The following RIMBP2 variants were observed in gnomAD, a reference collection of about 807,000 sequenced individuals.
RIMBP2 encodes RIMS binding protein 2, also known as RIMS-binding protein 2.
In RIMBP2, 48 loss-of-function variants were observed where a neutral mutation model predicts 118.6. That is an observed-to-expected ratio of 0.40 (90% CI 0.32 to 0.51). The LOEUF (loss-of-function observed/expected upper bound fraction) is 0.51. RIMBP2 is among the 20% of genes least tolerant of loss of function. The probability of loss-of-function intolerance (pLI) is 0.41; values close to 1 mark genes in which losing one functional copy is unlikely to be tolerated. For missense variants in RIMBP2, 1,551 were observed against 1,768.3 expected, an observed-to-expected ratio of 0.88 and a Z score of 2.20; for synonymous variants, 762 against 742.9, an observed-to-expected ratio of 1.03 and a Z score of -0.42.
At chr12:130,490,918 A>C (rs1399811107) in intron 4 of RIMBP2, among the ~76,000 whole-genome samples, 1 of 152,154 alleles carries the variant, frequency 6.6e-6, no homozygotes, top group Non-Finnish European at 1.5e-5. Context: ...TGGGGAGCGA[A>C]GTGGGAAGCG....
intron 2 of RIMBP2, among the ~76,000 whole-genome samples, chr12:130,539,768 A>G (rs10848141): frequency 0.85 from 17,226 of 20,302 alleles, 7,923 homozygotes; most frequent in South Asian, 0.96. Context: ...CAGTCCATGA[A>G]GTGGCCAGGT....
chr12:130,601,289 C>G (rs1343042196), intron 2 of RIMBP2, among the ~76,000 whole-genome samples: 2 of 142,294 alleles, frequency 1.4e-5, no homozygotes, highest in East Asian at 4.3e-4. Context: ...TGCCTAAAAG[C>G]CACGGGCTGC....
intron 1 of RIMBP2, among the ~76,000 whole-genome samples, chr12:130,715,299 C>A (rs896058973): frequency 6.6e-6 from 1 of 152,156 alleles, no homozygotes; most frequent in Non-Finnish European, 1.5e-5. Context: ...GGAGCCAGCA[C>A]CCCCGCCTCC....
rs1288602854 is a variant in RIMBP2, at chr12:130,419,067, A to G, written c.3238+3386T>C. Among the ~76,000 whole-genome samples, 1 of 152,174 alleles carries G rather than the reference A, an allele frequency of 6.6e-6. No homozygotes were observed. Among genetic ancestry groups the G allele is most frequent in the African/African-American group, 2.4e-5 (1 of 41,440 alleles). The stretch of plus-strand genomic sequence containing the variant: ...GTGACTCCACCGTATGTTCTTCCAG[A>G]GAGGATGCACTGGATGTGTTATGAG... On this transcript the variant is annotated intron_variant, in intron 17 of 22. Transcript: ENST00000690449. The surrounding 1 kb of genome is among the most constrained non-coding windows in gnomAD (Gnocchi z 4.3).
At chr12:130,584,030 AC>A (rs148427246) in intron 2 of RIMBP2, among the ~76,000 whole-genome samples, 1,787 of 146,414 alleles carry the variant, frequency 0.012, 17 homozygotes, top group Non-Finnish European at 0.02. Context: ...CATCACCATC[AC>A]CCCCATCACC....
chr12:130,478,384 G>A (rs796586816), intron 5 of RIMBP2, among the ~76,000 whole-genome samples: 2 of 152,264 alleles, frequency 1.3e-5, no homozygotes, highest in East Asian at 1.9e-4. Flanking sequence ...GACATCACAC[G>A]GCGCCTGGTG....
intron 1 of RIMBP2, among the ~76,000 whole-genome samples, chr12:130,679,879 CACGGGAAGGATCCGTGAGTGTGATCAT>C (rs2064687836): frequency 2.6e-5 from 4 of 151,752 alleles, no homozygotes; most frequent in East Asian, 1.9e-4. Flanking sequence ...GTTCGCCCGC[CACGGGAAGGATCCGTGAGTGTGATCAT>C]GCAGGCAGTG....
intron 1 of RIMBP2, among the ~76,000 whole-genome samples, chr12:130,676,995 G>A (rs2064521641): frequency 6.6e-6 from 1 of 152,160 alleles, no homozygotes; most frequent in Admixed American, 6.5e-5. Flanking sequence ...ACCTAGAAAG[G>A]CACCTGTGTA....
rs1949816647 is a variant in RIMBP2, at chr12:130,710,294, G to C, written c.-352+5928C>G. Among the ~76,000 whole-genome samples, 1 of 152,010 alleles carries C rather than the reference G, an allele frequency of 6.6e-6. No homozygotes were observed. Among genetic ancestry groups the C allele is most frequent in the Non-Finnish European group, 1.5e-5 (1 of 68,002 alleles). ...TCAGCTTCAACGCCACCTCCTCCCT[G>C]AGACCCTCCCAGATCATCCAGGTGC... On this transcript the variant is annotated intron_variant, in intron 1 of 22. Coordinates refer to ENST00000690449, the MANE Select transcript of RIMBP2 (RefSeq NM_001393629.1). The surrounding 1 kb of genome is among the most constrained non-coding windows in gnomAD (Gnocchi z 4.3).
intron 2 of RIMBP2, among the ~76,000 whole-genome samples, chr12:130,582,625 G>A (rs911245909): frequency 5.3e-5 from 8 of 152,316 alleles, no homozygotes; most frequent in South Asian, 2.1e-4. Context: ...CACTGCCTTC[G>A]CTTGATCTAG....
chr12:130,585,505 G>A (rs968557161), intron 2 of RIMBP2, among the ~76,000 whole-genome samples: 3 of 151,862 alleles, frequency 2.0e-5, no homozygotes, highest in African/African-American at 7.3e-5. Flanking sequence ...CCAGCTACTC[G>A]GGAGGCTGAG....
In RIMBP2 at chr12:130,414,217, C is replaced by T; in HGVS notation, c.3328G>A (p.Val1110Met). The T allele has an allele frequency of 6.2e-7, 1 of 1,614,204 alleles. No homozygotes were observed. Among genetic ancestry groups the T allele is most frequent in the Non-Finnish European group, 8.5e-7 (1 of 1,180,024 alleles). ...GAEELPARIF[V>M]ALFDYDPLTM... ...AGCGGGTCGTAGTCAAAGAGAGCCA[C>T]AAAGATCCGGGCCGGGAGCTCTTCG... The change falls in exon 18 of 23, where the codon GTG (valine) becomes ATG (methionine). Residue 1110 changes from valine to methionine, a missense_variant. Around this residue, in one of 5 missense-constraint regions of RIMBP2, gnomAD observed 1,038 missense variants for 1,125.1 expected, o/e 0.92. Transcript: ENST00000690449.
At chr12:130,654,880 C>G (rs1594151602) in intron 1 of RIMBP2, among the ~76,000 whole-genome samples, 1 of 152,146 alleles carries the variant, frequency 6.6e-6, no homozygotes, top group African/African-American at 2.4e-5. Context: ...AGCAAGAAAG[C>G]CAGGGAGGAG....
chr12:130,623,823 C>T lies in RIMBP2; in HGVS notation c.-217+4499G>A, dbSNP rs530477009. On this transcript the variant is annotated intron_variant, in intron 2 of 22. Coordinates refer to ENST00000690449, the MANE Select transcript of RIMBP2 (RefSeq NM_001393629.1). The surrounding 1 kb of genome is among the most constrained non-coding windows in gnomAD (Gnocchi z 4.1). ...TGCTGGTGGATAAATACCCCAGCTC[C>T]CTCATCCCTCAAGCAGATAATCCCA... is the stretch of plus-strand genomic sequence containing the variant. 3.7e-4 allele frequency among the ~76,000 whole-genome samples: 57 copies of T among 152,226 alleles called. No individual in the cohort carries two copies. The South Asian group carries it at 5.8e-3, about 16-fold the overall frequency.
intron 2 of RIMBP2, among the ~76,000 whole-genome samples, chr12:130,561,322 G>A (rs2056807583): frequency 6.6e-6 from 1 of 152,186 alleles, no homozygotes; most frequent in South Asian, 2.1e-4. Context: ...TTTTCCCAAA[G>A]TCCAACATAT....
intron 6 of RIMBP2, among the ~76,000 whole-genome samples, chr12:130,461,167 T>G (rs908697326): frequency 1.3e-5 from 2 of 152,184 alleles, no homozygotes; most frequent in Admixed American, 1.3e-4. Flanking sequence ...ACTGCCCTGC[T>G]TCTCTCGAGG....
rs2078203908 is a variant in RIMBP2, at chr12:130,442,401, A to C, written c.951T>G (p.Pro317=). The change falls in exon 11 of 23, where the codon CCT becomes CCG. Residue 317 remains proline, a synonymous_variant. Transcript: ENST00000690449. The surrounding 1 kb of genome is among the most constrained non-coding windows in gnomAD (Gnocchi z 6.9). Reference sequence around the variant, plus strand: ...GTTGTTTGATGAGGGTGATTTTTCTAGGGTAAGGCACGATGTCTTCTCCGA... The same window carrying C: ...GTTGTTTGATGAGGGTGATTTTTCTCGGGTAAGGCACGATGTCTTCTCCGA... The part of the protein sequence containing the change: ...DDIGEDIVPY[P]RKITLIKQLA... The C allele has an allele frequency of 6.2e-7, 1 of 1,613,890 alleles. No individual in the cohort carries two copies. Among genetic ancestry groups the C allele is most frequent in the Non-Finnish European group, 8.5e-7 (1 of 1,179,994 alleles).
At chr12:130,559,940 C>T (rs2056679585) in intron 2 of RIMBP2, among the ~76,000 whole-genome samples, 1 of 152,192 alleles carries the variant, frequency 6.6e-6, no homozygotes, top group Non-Finnish European at 1.5e-5. Flanking sequence ...ATGCTCTGCA[C>T]CCATGAGGCA....
At chr12:130,493,471 C>T (rs772777455) in intron 4 of RIMBP2, among the ~76,000 whole-genome samples, 46 of 151,968 alleles carry the variant, frequency 3.0e-4, no homozygotes, top group Admixed American at 7.9e-4. Flanking sequence ...TGTACCACCA[C>T]GCCTGGTTAA....
Sources: allele counts gnomAD v4.1 joint callset (sites outside exome capture counted in the v4.1 genomes callset), GRCh38; gene constraint gnomAD v4.1.1; regional missense constraint gnomAD v4.1.1; non-coding constraint Gnocchi (gnomAD v3.1); transcripts MANE v1.5; gene names NCBI Gene and HGNC (gene_info 2026-07-23, HGNC 2026-07-21).